C4orf54: variants seen among roughly 807,000 people sequenced by gnomAD.
The protein encoded by C4orf54 is uncharacterized protein C4orf54.
A neutral mutation model predicts 80.1 loss-of-function variants in C4orf54; 67 were observed. The ratio of observed to expected loss-of-function variants is 0.84; its 90% CI spans 0.69 to 1.03. C4orf54 has a LOEUF of 1.03. Among genes scored for constraint, C4orf54 ranks in the 50% least tolerant of loss-of-function variants. The pLI is 0.00. For missense variants in C4orf54, 2,434 were observed against 2,253.5 expected, an observed-to-expected ratio of 1.08 and a Z score of -1.62; for synonymous variants, 1,000 against 917.0, an observed-to-expected ratio of 1.09 and a Z score of -1.64.
chr4:99,654,140 T>C lies in C4orf54; in HGVS notation c.509A>G (p.Asp170Gly), dbSNP rs759543428. 44 of 1,536,016 alleles carry C rather than the reference T, an allele frequency of 2.9e-5. No homozygotes were observed. The highest frequency in any genetic ancestry group is 3.6e-5 in the Non-Finnish European group (41 of 1,146,918). ...EVGDGVSSAQ[D>G]SQELKQQLWP... is the part of the protein sequence containing the mutation. ...CAGCTGCTGCTTGAGCTCCTGGCTG[T>C]CTTGAGCACTGCTCACCCCGTCCCC... Residue 170 changes from aspartate (D) to glycine (G), a missense_variant, in exon 2 of 3, where the codon GAC (aspartate) becomes GGC (glycine). Physicochemically the swap from Asp to Gly is moderately conservative, Grantham distance 94. Coordinates refer to ENST00000511828, the MANE Select transcript of C4orf54 (RefSeq NM_001354435.2).
chr4:99,651,821 G>C lies in C4orf54; in HGVS notation c.2828C>G (p.Ala943Gly), dbSNP rs967066685. 4.6e-6 allele frequency: 7 copies of C among 1,536,074 alleles called. No individual in the cohort carries two copies. Among genetic ancestry groups the C allele is most frequent in the Non-Finnish European group, 6.1e-6 (7 of 1,146,898 alleles). Residue 943 changes from alanine (A) to glycine (G), a missense_variant, in exon 2 of 3, where the codon GCG becomes GGG. Coordinates refer to ENST00000511828, the MANE Select transcript of C4orf54 (RefSeq NM_001354435.2). The stretch of plus-strand genomic sequence containing the variant: ...CTCTTTCTCCTTCCATGACCGGAAC[G>C]CACTGTTCTGACTACGGAGGAAGAT... ...KGIFLRSQNSAFRSWKEKEAE... is the reference protein window; with the variant it reads ...KGIFLRSQNSGFRSWKEKEAE...
At chr4:99,644,951 G>A (rs1352719365) in intron 2 of C4orf54, among the ~76,000 whole-genome samples, 1 of 151,556 alleles carries the variant, frequency 6.6e-6, no homozygotes, top group African/African-American at 2.4e-5. Context: ...CAGACACCAG[G>A]AAGTAACTCC....
chr4:99,642,841 C>G (rs182272903), intron 2 of C4orf54, among the ~76,000 whole-genome samples: 2 of 152,302 alleles, frequency 1.3e-5, no homozygotes, highest in Admixed American at 1.3e-4. Context: ...TTCTCCACGC[C>G]GGCCTGTGCC....
chr4:99,649,408 G>A lies in C4orf54; in HGVS notation c.5241C>T (p.Ser1747=). 6.5e-7 allele frequency: 1 copy of A among 1,536,174 alleles called. No individual in the cohort carries two copies. Among genetic ancestry groups the A allele is most frequent in the South Asian group, 1.2e-5 (1 of 84,058 alleles). The change falls in exon 2 of 3, where the codon TCC becomes TCT. Residue 1747 remains serine, a synonymous_variant. Transcript: ENST00000511828. ...SSTSSAPAAT[S]QLLGAKAFAQ... Reference sequence around the variant, plus strand: ...CAAAGGCCTTGGCCCCTAGGAGCTGGGATGTGGCTGCTGGGGCTGAGGAGG... The same window carrying A: ...CAAAGGCCTTGGCCCCTAGGAGCTGAGATGTGGCTGCTGGGGCTGAGGAGG...
rs1416633733 is a variant in C4orf54, at chr4:99,649,966, G to C, written c.4683C>G (p.His1561Gln). 1 of 1,534,226 alleles carries C rather than the reference G, an allele frequency of 6.5e-7. No individual in the cohort carries two copies. Among genetic ancestry groups the C allele is most frequent in the African/African-American group, 1.4e-5 (1 of 72,948 alleles). Residue 1561 changes from histidine to glutamine, a missense_variant, in exon 2 of 3, where the codon CAC (histidine) becomes CAG (glutamine). Transcript: ENST00000511828. ...GTAGGGTGAAGGGCAGCGGCGGCTG[G>C]TGGTAGATGGTGGTGGGGGGATGCT... ...SPEHPPTTIY[H>Q]QPPLPFTLQG...
intron 2 of C4orf54, among the ~76,000 whole-genome samples, chr4:99,645,795 G>C (rs1726691549): frequency 6.6e-6 from 1 of 152,198 alleles, no homozygotes; most frequent in Non-Finnish European, 1.5e-5. Context: ...TTTTGCAACT[G>C]CTGTGCCTAG....
rs1194969065 is a variant in C4orf54, at chr4:99,652,865, C to T, written c.1784G>A (p.Gly595Glu). 6.5e-7 allele frequency: 1 copy of T among 1,536,138 alleles called. No individual in the cohort carries two copies. ...CACCAGCTCCTTCGCCCGGATGGCC[C>T]CGCACCTGGTTTGCAGGCGAGCAGG... The part of the protein sequence containing the change: ...AVPARLQTRC[G>E]AIRAKELVDY... Residue 595 changes from glycine (G) to glutamate (E), a missense_variant, in exon 2 of 3, where the codon GGG becomes GAG. Transcript: ENST00000511828.
chr4:99,645,805 G>A (rs1726691737), intron 2 of C4orf54, among the ~76,000 whole-genome samples: 2 of 152,214 alleles, frequency 1.3e-5, no homozygotes, highest in Non-Finnish European at 2.9e-5. Context: ...GCTGTGCCTA[G>A]TACACTGGTG....
At position 99,640,212 on chromosome 4, in the gene C4orf54, T is replaced by A. The variant is rs956149748; in HGVS notation, c.*1021A>T. The A allele has an allele frequency of 2.0e-5, 3 of 152,162 alleles. No individual in the cohort carries two copies. The highest frequency in any genetic ancestry group is 7.2e-5 in the African/African-American group (3 of 41,466). 9.4% of individuals were successfully genotyped at this position (152,162 alleles called of 1,614,324 possible). A position where few individuals can be genotyped will look rare whatever the true frequency, so the allele number is the denominator to read the frequency against. On this transcript the variant is annotated 3_prime_UTR_variant, in exon 3 of 3. Transcript: ENST00000511828. ...TGGATTCTTGACATCTCTTCAAACC[T>A]GCCTCATCCTCATAAGGAGCAAGTG...
chr4:99,651,142 C>T lies in C4orf54; in HGVS notation c.3507G>A (p.Glu1169=). ...CCCCTTTGCCCATGCTTTCCCTGGG[C>T]TCTCGGTCCATGCTGTCTTCCCTCT... ...VNQREDSMDR[E]PRESMGKGGG... Residue 1169 remains glutamate (E), a synonymous_variant, in exon 2 of 3, where the codon GAG becomes GAA. Coordinates refer to ENST00000511828, the MANE Select transcript of C4orf54 (RefSeq NM_001354435.2). 2 of 1,536,156 alleles carry T rather than the reference C, an allele frequency of 1.3e-6. No homozygotes were observed. Among genetic ancestry groups the T allele is most frequent in the Non-Finnish European group, 8.7e-7 (1 of 1,146,920 alleles).
Position 99,653,258 on chromosome 4 carries a change from G to T in C4orf54, c.1391C>A (p.Thr464Asn), listed in dbSNP as rs1253773962. The change falls in exon 2 of 3, where the codon ACC becomes AAC. Residue 464 changes from threonine to asparagine, a missense_variant. Coordinates refer to ENST00000511828, the MANE Select transcript of C4orf54 (RefSeq NM_001354435.2). ...GCCACTGCCCACTTCGGTGCTGCTG[G>T]TGTCGCGGCCACTGCGGCCTGCATT... ...RPNAGRSGRD[T>N]SSTEVGSGPS... 6.5e-7 allele frequency: 1 copy of T among 1,531,544 alleles called. No individual in the cohort carries two copies. The highest frequency in any genetic ancestry group is 8.7e-7 in the Non-Finnish European group (1 of 1,143,746). 94.9% of individuals were successfully genotyped at this position (1,531,544 alleles called of 1,614,324 possible).
rs1726579261 is a variant in C4orf54, at chr4:99,640,066, A to G, written c.*1167T>C. On this transcript the variant is annotated 3_prime_UTR_variant, in exon 3 of 3. Coordinates refer to ENST00000511828, the MANE Select transcript of C4orf54 (RefSeq NM_001354435.2). The stretch of plus-strand genomic sequence containing the variant: ...ATACACTTATTATGACAAGCTAAAT[A>G]TTTATCTGTTCAATCAAGTCTTCCA... 6.6e-6 allele frequency: 1 copy of G among 152,150 alleles called. No homozygotes were observed. Among genetic ancestry groups the G allele is most frequent in the African/African-American group, 2.4e-5 (1 of 41,446 alleles). 9.4% of individuals were successfully genotyped at this position (152,150 alleles called of 1,614,324 possible).
rs1560637050 is a variant in C4orf54, at chr4:99,649,717, C to T, written c.4932G>A (p.Val1644=). 2 of 1,536,130 alleles carry T rather than the reference C, an allele frequency of 1.3e-6. No homozygotes were observed. Among genetic ancestry groups the T allele is most frequent in the Non-Finnish European group, 1.7e-6 (2 of 1,146,900 alleles). The change falls in exon 2 of 3, where the codon GTG becomes GTA. Residue 1644 remains valine (V), a synonymous_variant. Coordinates refer to ENST00000511828, the MANE Select transcript of C4orf54 (RefSeq NM_001354435.2). The part of the protein sequence containing the change: ...RLFDPETGQY[V]DVPMTSQQQA... The stretch of plus-strand genomic sequence containing the variant: ...GCTGCTGGGAGGTCATGGGCACATC[C>T]ACATACTGCCCTGTCTCAGGGTCAA...
Position 99,640,954 on chromosome 4 carries a change from G to GTA in C4orf54, c.*277_*278dup, listed in dbSNP as rs1316952142. On this transcript the variant is annotated 3_prime_UTR_variant, in exon 3 of 3. Transcript: ENST00000511828. ...TAGAAAGCTTATATCCTGTGTTGAA[G>GTA]TATAAAAAGAAATAGTCATAAAGGG... 1 of 151,960 alleles carries GTA rather than the reference G, an allele frequency of 6.6e-6. No individual in the cohort carries two copies. The highest frequency in any genetic ancestry group is 6.6e-5 in the Admixed American group (1 of 15,256). 9.4% of individuals were successfully genotyped at this position (151,960 alleles called of 1,614,324 possible). A position where few individuals can be genotyped will look rare whatever the true frequency, so the allele number is the denominator to read the frequency against.
intron 2 of C4orf54, among the ~76,000 whole-genome samples, chr4:99,648,669 A>G (rs1578271002): frequency 6.6e-6 from 1 of 152,346 alleles, no homozygotes; most frequent in East Asian, 1.9e-4. Context: ...TAAAAAATAC[A>G]GTCGCTTTGT....
intron 2 of C4orf54, among the ~76,000 whole-genome samples, chr4:99,645,029 G>A (rs1224537576): frequency 6.6e-6 from 1 of 151,988 alleles, no homozygotes; most frequent in African/African-American, 2.4e-5. Flanking sequence ...AGGCGCCTGT[G>A]TACCACTGAA....
chr4:99,655,391 C>G (rs1726963263), intron 1 of C4orf54, among the ~76,000 whole-genome samples: 1 of 152,218 alleles, frequency 6.6e-6, no homozygotes, highest in Non-Finnish European at 1.5e-5. Flanking sequence ...CTTGTAGAAC[C>G]ATGGCAAGAC....
Position 99,649,976 on chromosome 4 carries a change from G to T in C4orf54, c.4673C>A (p.Thr1558Asn). 1 of 1,535,264 alleles carries T rather than the reference G, an allele frequency of 6.5e-7. No individual in the cohort carries two copies. The highest frequency in any genetic ancestry group is 8.7e-7 in the Non-Finnish European group (1 of 1,146,392). Reference protein sequence around the residue: ...GPQSPEHPPTTIYHQPPLPFT... With the variant: ...GPQSPEHPPTNIYHQPPLPFT... ...GGGCAGCGGCGGCTGGTGGTAGATG[G>T]TGGTGGGGGGATGCTCGGGGCTCTG... The change falls in exon 2 of 3, where the codon ACC becomes AAC. Residue 1558 changes from threonine (T) to asparagine (N), a missense_variant. Physicochemically the swap from Thr to Asn is moderately conservative, Grantham distance 65 (BLOSUM62 0). Transcript: ENST00000511828.
rs1306068692 is a variant in C4orf54, at chr4:99,638,999, C to T, written c.*2234G>A. 5 of 152,080 alleles carry T rather than the reference C, an allele frequency of 3.3e-5. No individual in the cohort carries two copies. The South Asian group carries it at 1.0e-3, about 32-fold the overall frequency. 9.4% of individuals were successfully genotyped at this position (152,080 alleles called of 1,614,324 possible). On this transcript the variant is annotated 3_prime_UTR_variant, in exon 3 of 3. Coordinates refer to ENST00000511828, the MANE Select transcript of C4orf54 (RefSeq NM_001354435.2). Reference sequence around the variant, plus strand: ...TTTCCTTAGTTTGTGTCCTAATTTACCTCAGTGTGAGAATTTAAAACTCAA... The same window carrying T: ...TTTCCTTAGTTTGTGTCCTAATTTATCTCAGTGTGAGAATTTAAAACTCAA...
Sources: allele counts gnomAD v4.1 joint callset (sites outside exome capture counted in the v4.1 genomes callset), GRCh38; gene constraint gnomAD v4.1.1; transcripts MANE v1.5; gene names NCBI Gene and HGNC (gene_info 2026-07-23, HGNC 2026-07-21).